RPS6KA5: variants seen among roughly 807,000 people sequenced by gnomAD.
RPS6KA5 encodes ribosomal protein S6 kinase alpha-5.
In RPS6KA5, 27 loss-of-function variants were observed where a neutral mutation model predicts 85.5. That is an observed-to-expected ratio of 0.32 (90% CI 0.23 to 0.44). The LOEUF (loss-of-function observed/expected upper bound fraction) is 0.44. RPS6KA5 is among the 20% of genes least tolerant of loss of function. The pLI is 1.00. For missense variants in RPS6KA5, 811 were observed against 980.9 expected (o/e 0.83, Z 2.31); for synonymous variants, 334 against 348.2 (o/e 0.96, Z 0.46).
In RPS6KA5 at chr14:90,962,798, T is replaced by C. The variant is rs563378866; in HGVS notation, c.395-15248A>G. Among the ~76,000 whole-genome samples, 4 of 152,352 alleles carry C rather than the reference T, an allele frequency of 2.6e-5. No homozygotes were observed. In the South Asian group the frequency reaches 8.3e-4, roughly 32 times the overall value. On this transcript the variant is annotated intron_variant, in intron 3 of 16. Transcript: ENST00000614987. Reference sequence around the variant, plus strand: ...TGTTTACATTTTGTTTAATTTGCTTTAGCATTCTTTCTGTTTTCATATATG... The same window carrying C: ...TGTTTACATTTTGTTTAATTTGCTTCAGCATTCTTTCTGTTTTCATATATG...
chr14:90,861,375 A>C lies in RPS6KA5; in HGVS notation c.*10699T>G, dbSNP rs1286163821. ...ATCTCTACTAAAAATACAAAAAATTAGCCGGGCGTAGTGGCAGGCGCCTGT... is the reference window on the plus strand; with the variant it reads ...ATCTCTACTAAAAATACAAAAAATTCGCCGGGCGTAGTGGCAGGCGCCTGT... On this transcript the variant is annotated 3_prime_UTR_variant, in exon 17 of 17. Coordinates refer to ENST00000614987, the MANE Select transcript of RPS6KA5 (RefSeq NM_004755.4). 44 of 148,192 alleles carry C rather than the reference A, an allele frequency of 3.0e-4. No individual in the cohort carries two copies. The highest frequency in any genetic ancestry group is 9.8e-4 in the African/African-American group (39 of 39,876). 9.2% of individuals were successfully genotyped at this position (148,192 alleles called of 1,614,324 possible).
rs139082703 is a variant in RPS6KA5, at chr14:90,964,063, G to T, written c.394+14243C>A. Among the ~76,000 whole-genome samples, 705 of 152,254 alleles carry T rather than the reference G, an allele frequency of 4.6e-3. 4 individuals are homozygous for T. Among genetic ancestry groups the T allele is most frequent in the Middle Eastern group, 0.027 (8 of 294 alleles). Reference sequence around the variant, plus strand: ...CCCAATCATGGCTGTGTCGTAGGAAGACTAATCAAATATTAATGTAAAAAA... The same window carrying T: ...CCCAATCATGGCTGTGTCGTAGGAATACTAATCAAATATTAATGTAAAAAA... On this transcript the variant is annotated intron_variant, in intron 3 of 16. Transcript: ENST00000614987.
At chr14:91,014,501 C>CAAAAAAA (rs535160742) in intron 1 of RPS6KA5, among the ~76,000 whole-genome samples, 1 of 66,430 alleles carries the variant, frequency 1.5e-5, no homozygotes, top group Non-Finnish European at 3.0e-5. Flanking sequence ...GACTCCATCT[C>CAAAAAAA]AAAAAAAAAA....
At chr14:90,897,380 G>C (rs1477662406) in intron 12 of RPS6KA5, among the ~76,000 whole-genome samples, 1 of 152,180 alleles carries the variant, frequency 6.6e-6, no homozygotes. Flanking sequence ...TTTTAAGTTT[G>C]TGGTGATTTG....
chr14:90,953,612 C>T (rs1233941089), intron 3 of RPS6KA5, among the ~76,000 whole-genome samples: 2 of 152,150 alleles, frequency 1.3e-5, no homozygotes, highest in Admixed American at 6.6e-5. Context: ...GGGACAATAT[C>T]GCTAAATTCT....
chr14:90,935,515 A>G lies in RPS6KA5; in HGVS notation c.618+7563T>C, dbSNP rs928620698. Among the ~76,000 whole-genome samples, 8 of 152,318 alleles carry G rather than the reference A, an allele frequency of 5.3e-5. 1 individual carries two copies. The East Asian group carries it at 1.3e-3, about 26-fold the overall frequency. ...TACAGATGATGAAATTAAGACTCAG[A>G]GAGGTTAATGACGAAGTGACTTGCC... On this transcript the variant is annotated intron_variant, in intron 5 of 16. Transcript: ENST00000614987.
chr14:90,993,009 T>G (rs1253935138), intron 2 of RPS6KA5, among the ~76,000 whole-genome samples: 2 of 152,246 alleles, frequency 1.3e-5, no homozygotes, highest in African/African-American at 4.8e-5. Flanking sequence ...ACAGTCAGTA[T>G]GCTTTAGACT....
intron 5 of RPS6KA5, among the ~76,000 whole-genome samples, chr14:90,939,396 C>G (rs1359541598): frequency 6.6e-6 from 1 of 152,210 alleles, no homozygotes; most frequent in Non-Finnish European, 1.5e-5. Context: ...TGCCTGTTAC[C>G]CAGTTCCAAA....
intron 1 of RPS6KA5, among the ~76,000 whole-genome samples, chr14:91,046,041 G>A (rs566210367): frequency 2.0e-5 from 3 of 152,284 alleles, no homozygotes; most frequent in East Asian, 1.9e-4. Flanking sequence ...GCTTCAACAC[G>A]ACTGCTTCCC....
intron 6 of RPS6KA5, among the ~76,000 whole-genome samples, 165 bp downstream of exon 6, chr14:90,922,948 T>A (rs2036477416): frequency 6.6e-6 from 1 of 152,116 alleles, no homozygotes; most frequent in South Asian, 2.1e-4. Context: ...AAATACTAGA[T>A]ATCATAATGT....
At chr14:90,900,838 A>G in intron 9 of RPS6KA5, 102 bp from the exon 10 acceptor site, 1 of 951,162 alleles carries the variant, frequency 1.1e-6, no homozygotes, top group Non-Finnish European at 1.5e-6. Flanking sequence ...AAACACTCAA[A>G]TATTTGTTGA....
intron 7 of RPS6KA5, among the ~76,000 whole-genome samples, chr14:90,918,236 A>G (rs2036223450): frequency 1.3e-5 from 2 of 152,168 alleles, no homozygotes; most frequent in South Asian, 2.1e-4. Flanking sequence ...AGTTGAATAT[A>G]TAGTGGTATT....
At chr14:90,884,968 C>T (rs2034090399) in intron 14 of RPS6KA5, among the ~76,000 whole-genome samples, 1 of 152,058 alleles carries the variant, frequency 6.6e-6, no homozygotes, top group Admixed American at 6.6e-5. Context: ...TATAAGAAAG[C>T]AGGGCAGGGA....
At position 90,939,616 on chromosome 14, in the gene RPS6KA5, G is replaced by A. The variant is rs2037463805; in HGVS notation, c.618+3462C>T. The stretch of plus-strand genomic sequence containing the variant: ...AAGTCATGTCTTACATGGATAGCAG[G>A]AGACAAAGAGAGAGAGAACTTGTTG... On this transcript the variant is annotated intron_variant, in intron 5 of 16. Coordinates refer to ENST00000614987, the MANE Select transcript of RPS6KA5 (RefSeq NM_004755.4). Among the ~76,000 whole-genome samples the A allele has an allele frequency of 2.0e-5, 3 of 152,312 alleles. No homozygotes were observed. In the South Asian group the frequency reaches 6.2e-4, roughly 32 times the overall value.
chr14:90,954,214 G>A (rs1306016115), intron 3 of RPS6KA5, among the ~76,000 whole-genome samples: 7 of 152,116 alleles, frequency 4.6e-5, no homozygotes, highest in Non-Finnish European at 7.4e-5. Context: ...AGGTTCCCCC[G>A]TTATTCTTGT....
intron 12 of RPS6KA5, among the ~76,000 whole-genome samples, chr14:90,897,712 T>A (rs73324644): frequency 0.017 from 2,598 of 152,290 alleles, 92 homozygotes; most frequent in African/African-American, 0.059. Flanking sequence ...AAATAAAAAA[T>A]TAGAAATGTT....
chr14:91,047,319 G>A (rs1232611158), intron 1 of RPS6KA5, among the ~76,000 whole-genome samples: 1 of 152,144 alleles, frequency 6.6e-6, no homozygotes, highest in Non-Finnish European at 1.5e-5. Flanking sequence ...GTAGGCCTGA[G>A]ATTTGACACT....
At chr14:90,948,598 G>T (rs2037998946) in intron 3 of RPS6KA5, among the ~76,000 whole-genome samples, 2 of 152,098 alleles carry the variant, frequency 1.3e-5, no homozygotes, top group Admixed American at 1.3e-4. Flanking sequence ...GAGAGGCTGA[G>T]GCAGGAGAAT....
intron 3 of RPS6KA5, among the ~76,000 whole-genome samples, chr14:90,951,312 T>C (rs1212407440): frequency 1.3e-5 from 2 of 151,318 alleles, no homozygotes; most frequent in Non-Finnish European, 2.9e-5. Flanking sequence ...TGAAACCCCG[T>C]CTCTACTAAA....
Sources: allele counts gnomAD v4.1 joint callset (sites outside exome capture counted in the v4.1 genomes callset), GRCh38; gene constraint gnomAD v4.1.1; transcripts MANE v1.5; gene names NCBI Gene and HGNC (gene_info 2026-07-23, HGNC 2026-07-21).